The following ZNF208 variants were observed in gnomAD, a reference collection of about 807,000 sequenced individuals.
The protein encoded by ZNF208 is zinc finger protein 208.
ZNF208 carries 10 observed loss-of-function variants against 12.1 expected under a neutral mutation model. The observed-to-expected ratio is 0.83, with a 90% CI of 0.51 to 1.40. The LOEUF is 1.40. Ranked by LOEUF, ZNF208 falls within the 40% of genes most tolerant of loss-of-function variation. The pLI is 0.00. For missense variants in ZNF208, 1,652 were observed against 1,485.0 expected, an observed-to-expected ratio of 1.11 and a Z score of -1.85; for synonymous variants, 497 against 488.4, an observed-to-expected ratio of 1.02 and a Z score of -0.23.
chr19:21,975,438 A>C (rs1970411285), intron 3 of ZNF208, among the ~76,000 whole-genome samples: 1 of 152,170 alleles, frequency 6.6e-6, no homozygotes, highest in African/African-American at 2.4e-5. Context: ...ACTAAAAGTA[A>C]ATGCAAAACT....
At position 21,992,928 on chromosome 19, in the gene ZNF208, A is replaced by G. The variant is rs1293156463; in HGVS notation, c.4-4019T>C. ...ACAGATCTTGATCTGAGACATGTTTAGCTGAAAAAGAAAAGGCCATTTTTT... is the reference window on the plus strand; with the variant it reads ...ACAGATCTTGATCTGAGACATGTTTGGCTGAAAAAGAAAAGGCCATTTTTT... On this transcript the variant is annotated intron_variant, in intron 1 of 3. Coordinates refer to ENST00000397126, the MANE Select transcript of ZNF208 (RefSeq NM_007153.3). Among the ~76,000 whole-genome samples, 7 of 152,340 alleles carry G rather than the reference A, an allele frequency of 4.6e-5. No homozygotes were observed. The East Asian group carries it at 1.4e-3, about 29-fold the overall frequency.
Position 21,968,936 on chromosome 19 carries a change from G to A in ZNF208, c.*2255C>T, listed in dbSNP as rs1006009200. 4.6e-5 allele frequency among the ~76,000 whole-genome samples: 7 copies of A among 152,078 alleles called. No individual in the cohort carries two copies. Among genetic ancestry groups the A allele is most frequent in the African/African-American group, 7.2e-5 (3 of 41,424 alleles). On this transcript the variant is annotated 3_prime_UTR_variant, in exon 4 of 4. Transcript: ENST00000397126. ...ACTGTGGCTCATGCCTGCAATCCCA[G>A]GACTTTGGGTGGCCAAGGTGGGCAT... is the stretch of plus-strand genomic sequence containing the variant.
intron 4 of ZNF208, among the ~76,000 whole-genome samples, chr19:21,948,208 C>T (rs1466188873): frequency 2.0e-5 from 3 of 152,100 alleles, no homozygotes; most frequent in Non-Finnish European, 4.4e-5. Flanking sequence ...CCTCTTTAAC[C>T]CTGAAACTCT....
chr19:21,985,161 A>T (rs1467024814), intron 3 of ZNF208, among the ~76,000 whole-genome samples: 1 of 152,200 alleles, frequency 6.6e-6, no homozygotes, highest in Non-Finnish European at 1.5e-5. Context: ...AAAGACAAAG[A>T]TTGTATGAGA....
In ZNF208 at chr19:21,966,996, T is replaced by C. The variant is rs1970183650; in HGVS notation, c.*4195A>G. 2 of 152,190 alleles carry C rather than the reference T, an allele frequency of 1.3e-5. No homozygotes were observed. Among genetic ancestry groups the C allele is most frequent in the Admixed American group, 6.5e-5 (1 of 15,272 alleles). 9.4% of individuals were successfully genotyped at this position (152,190 alleles called of 1,614,324 possible). ...TCCTTCATTGTCTGCAGTTTGCAAA[T>C]ATTTTATTTCATACTGTAGGTCATC... is the stretch of plus-strand genomic sequence containing the variant. On this transcript the variant is annotated 3_prime_UTR_variant, in exon 4 of 4. Coordinates refer to ENST00000397126, the MANE Select transcript of ZNF208 (RefSeq NM_007153.3).
At chr19:21,960,288 T>C (rs1258982196) in intron 4 of ZNF208, among the ~76,000 whole-genome samples, 2 of 151,924 alleles carry the variant, frequency 1.3e-5, no homozygotes, top group Non-Finnish European at 2.9e-5. Flanking sequence ...ATTGTTTCAA[T>C]CAGCCAAAAT....
At chr19:22,003,411 A>C (rs1254518875) in intron 1 of ZNF208, among the ~76,000 whole-genome samples, 1 of 152,100 alleles carries the variant, frequency 6.6e-6, no homozygotes, top group Non-Finnish European at 1.5e-5. Flanking sequence ...AATAATAGAA[A>C]ATATTTGCAA....
chr19:21,971,785 T>C lies in ZNF208; in HGVS notation c.3249A>G (p.Glu1083=), dbSNP rs370696773. 6 of 1,613,800 alleles carry C rather than the reference T, an allele frequency of 3.7e-6. No individual in the cohort carries two copies. Among genetic ancestry groups the C allele is most frequent in the Middle Eastern group, 1.6e-4 (1 of 6,084 alleles). ...TGCCACATTCTTCACATTTGTAGGG[T>C]TCCTCTCCAGCATGAGTTGCCTTAT... ...TEHKATHAGE[E]PYKCEECGKA... is the part of the protein sequence containing the mutation. The change falls in exon 4 of 4, where the codon GAA becomes GAG. Residue 1083 remains glutamate (E), a synonymous_variant. Coordinates refer to ENST00000397126, the MANE Select transcript of ZNF208 (RefSeq NM_007153.3).
At chr19:21,944,173 C>A (rs1193456147) in intron 4 of ZNF208, among the ~76,000 whole-genome samples, 1 of 152,136 alleles carries the variant, frequency 6.6e-6, no homozygotes, top group African/African-American at 2.4e-5. Context: ...TCCAAACCAA[C>A]CTTATTTGAA....
rs1192696859 is a variant in ZNF208 at position 21,968,743 on chromosome 19, T to C, written c.*2448A>G. ...GAAATCCCACCTTGATTTTTTCGAA[T>C]GCATTCAGTAGGCTTAGGTAAAACT... On this transcript the variant is annotated 3_prime_UTR_variant, in exon 4 of 4. Coordinates refer to ENST00000397126, the MANE Select transcript of ZNF208 (RefSeq NM_007153.3). Among the ~76,000 whole-genome samples, 1 of 145,102 alleles carries C rather than the reference T, an allele frequency of 6.9e-6. No individual in the cohort carries two copies. The highest frequency in any genetic ancestry group is 2.6e-5 in the African/African-American group (1 of 38,122).
chr19:21,974,874 T>C (rs1447958393), intron 3 of ZNF208, 67 bp from the exon 4 acceptor site: 2 of 1,434,566 alleles, frequency 1.4e-6, no homozygotes, highest in African/African-American at 2.9e-5. Flanking sequence ...TTTCTAAATC[T>C]AAACTATAAA....
At chr19:21,986,832 C>G (rs920074744) in intron 3 of ZNF208, 4 of 387,844 alleles carry the variant, frequency 1.0e-5, no homozygotes, top group Non-Finnish European at 1.8e-5. Flanking sequence ...AACTACTACT[C>G]TCACACATTT....
chr19:21,974,461 A>T lies in ZNF208; in HGVS notation c.573T>A (p.His191Gln), dbSNP rs185941153. ...SFCMLSHLSQ[H>Q]KRIYTRENSY... ...AATTCTCTCTAGTATAAATTCTTTT[A>T]TGTTGAGATAGGTGTGAAAGCATGC... Residue 191 changes from histidine to glutamine, a missense_variant, in exon 4 of 4, where the codon CAT (histidine) becomes CAA (glutamine). His to Gln is a conservative substitution (Grantham distance 24). This residue lies in a region of ZNF208 where 410 missense variants were observed against 378.2 expected (regional missense o/e 1.08). Coordinates refer to ENST00000397126, the MANE Select transcript of ZNF208 (RefSeq NM_007153.3). The T allele has an allele frequency of 1.2e-6, 2 of 1,613,730 alleles. No individual in the cohort carries two copies. Among genetic ancestry groups the T allele is most frequent in the East Asian group, 4.5e-5 (2 of 44,862 alleles).
chr19:22,004,005 A>C (rs1187011682), intron 1 of ZNF208, among the ~76,000 whole-genome samples: 6 of 149,118 alleles, frequency 4.0e-5, no homozygotes, highest in Non-Finnish European at 6.0e-5. Context: ...CCCATCTATA[A>C]AAAAAAAAGT....
In ZNF208 at chr19:21,996,894, C is replaced by G. The variant is rs149082258; in HGVS notation, c.4-7985G>C. ...AAGTGACTGCAGAGGATGATAGATA[C>G]CAAGTACGTAGAGACACAATTCCAC... On this transcript the variant is annotated intron_variant, in intron 1 of 3. Transcript: ENST00000397126. 1.8e-4 allele frequency among the ~76,000 whole-genome samples: 28 copies of G among 152,276 alleles called. 1 individual carries two copies. In the East Asian group the frequency reaches 5.4e-3, roughly 29 times the overall value.
intron 4 of ZNF208, among the ~76,000 whole-genome samples, chr19:21,955,282 T>C (rs1178214461): frequency 6.6e-6 from 1 of 152,238 alleles, no homozygotes; most frequent in African/African-American, 2.4e-5. Context: ...ATTTCAACTT[T>C]GATGAATCTG....
chr19:22,009,103 GAAGA>G (rs1161703348), intron 1 of ZNF208, among the ~76,000 whole-genome samples: 1 of 152,134 alleles, frequency 6.6e-6, no homozygotes, highest in Non-Finnish European at 1.5e-5. Flanking sequence ...ACGGAAAACA[GAAGA>G]AAAAATATTT....
chr19:21,940,488 A>C (rs1292085606), intron 4 of ZNF208: 2 of 152,226 alleles, frequency 1.3e-5, no homozygotes, highest in African/African-American at 4.8e-5. Context: ...CTCTCACTTT[A>C]GGCGAGCATA....
At position 21,967,758 on chromosome 19, in the gene ZNF208, T is replaced by C. The variant is rs1180449964; in HGVS notation, c.*3433A>G. The C allele has an allele frequency of 1.3e-5, 2 of 152,158 alleles. No homozygotes were observed. Among genetic ancestry groups the C allele is most frequent in the Non-Finnish European group, 2.9e-5 (2 of 68,020 alleles). The allele number at this position is 152,158 out of a possible 1,614,324, so 9.4% of individuals were successfully genotyped here. A position where few individuals can be genotyped will look rare whatever the true frequency, so the allele number is the denominator to read the frequency against. ...TAATTCTTTTGAATGTATTTTAGAA[T>C]AGTTTTCTTTTTCTAATTCAATAAA... is the stretch of plus-strand genomic sequence containing the variant. On this transcript the variant is annotated 3_prime_UTR_variant, in exon 4 of 4. Transcript: ENST00000397126.
Sources: gnomAD v4.1 joint callset for allele counts (sites outside exome capture counted in the v4.1 genomes callset) on GRCh38, gnomAD v4.1.1 for gene constraint, gnomAD v4.1.1 regional missense constraint, MANE v1.5 for transcripts, NCBI Gene and HGNC (gene_info 2026-07-23, HGNC 2026-07-21) for gene names.